LRRC69: variants seen among roughly 807,000 people sequenced by gnomAD.
The protein encoded by LRRC69 is leucine rich repeat containing 69.
In LRRC69, 42 loss-of-function variants were observed where a neutral mutation model predicts 37.8. That is an observed-to-expected ratio of 1.11 (90% CI 0.87 to 1.44). LRRC69 has a LOEUF of 1.44. Among genes scored for constraint, LRRC69 ranks in the 40% most tolerant of loss-of-function variants. The pLI, the probability that LRRC69 is intolerant of heterozygous loss-of-function variation, is 0.00. For missense variants in LRRC69, 357 were observed against 401.9 expected (o/e 0.89, Z 0.96); for synonymous variants, 141 against 143.1 (o/e 0.99, Z 0.11).
intron 1 of LRRC69, among the ~76,000 whole-genome samples, chr8:91,118,955 C>T (rs550433866): frequency 6.6e-6 from 1 of 152,058 alleles, no homozygotes; most frequent in Non-Finnish European, 1.5e-5. Flanking sequence ...ATGACTCAAT[C>T]TAGTCCTGAG....
At chr8:91,187,361 G>A (rs1809423409) in intron 5 of LRRC69, among the ~76,000 whole-genome samples, 1 of 152,178 alleles carries the variant, frequency 6.6e-6, no homozygotes, top group Non-Finnish European at 1.5e-5. Context: ...GTCCATCAGA[G>A]TTGGTCTTGT....
chr8:91,143,860 A>T (rs1399768748), intron 5 of LRRC69, among the ~76,000 whole-genome samples: 1 of 151,894 alleles, frequency 6.6e-6, no homozygotes, highest in Non-Finnish European at 1.5e-5. Flanking sequence ...GTTTGAATCC[A>T]TTTTTCCCAA....
chr8:91,176,140 T>A (rs1328913933), intron 5 of LRRC69, among the ~76,000 whole-genome samples: 1 of 95,746 alleles, frequency 1.0e-5, no homozygotes, highest in East Asian at 3.0e-4. Context: ...ATATATTTTT[T>A]TTTTTTCTTT....
At chr8:91,188,380 A>G (rs924320900) in intron 5 of LRRC69, among the ~76,000 whole-genome samples, 5 of 152,186 alleles carry the variant, frequency 3.3e-5, no homozygotes, top group African/African-American at 1.2e-4. Context: ...TGTGAGATGC[A>G]GTGGTGTGGA....
intron 3 of LRRC69, among the ~76,000 whole-genome samples, chr8:91,131,522 C>G (rs537641488): frequency 2.6e-4 from 39 of 151,782 alleles, no homozygotes; most frequent in African/African-American, 9.4e-4. Context: ...ATTTAAAGCC[C>G]CTTTACATTC....
chr8:91,157,802 G>A, intron 5 of LRRC69: 2 of 1,607,772 alleles, frequency 1.2e-6, no homozygotes, highest in Non-Finnish European at 1.7e-6. Context: ...AGTGGAATGG[G>A]ATTATTCCCC....
chr8:91,143,015 C>A (rs769203381), intron 5 of LRRC69, among the ~76,000 whole-genome samples: 1 of 151,970 alleles, frequency 6.6e-6, no homozygotes, highest in Non-Finnish European at 1.5e-5. Context: ...ACAAGGAATG[C>A]CTATATAGTT....
intron 3 of LRRC69, 32 bp from the exon 4 acceptor site, chr8:91,133,078 A>T (rs928595195): frequency 1.5e-6 from 2 of 1,313,940 alleles, no homozygotes; most frequent in South Asian, 2.8e-5. Flanking sequence ...TGTGAGTTTC[A>T]TTCATATACT....
At chr8:91,122,128 C>G (rs1369344678) in intron 1 of LRRC69, among the ~76,000 whole-genome samples, 1 of 151,974 alleles carries the variant, frequency 6.6e-6, no homozygotes, top group Non-Finnish European at 1.5e-5. Context: ...AGTATATGCC[C>G]TCAGAAATAC....
chr8:91,168,056 C>T (rs1439965534), intron 5 of LRRC69, among the ~76,000 whole-genome samples: 1 of 151,768 alleles, frequency 6.6e-6, no homozygotes, highest in Non-Finnish European at 1.5e-5. Context: ...TACAAATTCC[C>T]TGCCCTCTTG....
chr8:91,141,548 A>C (rs1048511774), intron 5 of LRRC69, among the ~76,000 whole-genome samples: 3 of 152,104 alleles, frequency 2.0e-5, no homozygotes, highest in Non-Finnish European at 4.4e-5. Context: ...TTCCAATTCC[A>C]TAAACAATTA....
intron 4 of LRRC69, among the ~76,000 whole-genome samples, chr8:91,134,176 G>T (rs1409345924): frequency 2.0e-5 from 3 of 151,178 alleles, no homozygotes. Flanking sequence ...AGGGCAGGAG[G>T]ATAGCAAGTA....
At chr8:91,145,365 G>A (rs1808599528) in intron 5 of LRRC69, among the ~76,000 whole-genome samples, 2 of 151,884 alleles carry the variant, frequency 1.3e-5, no homozygotes, top group Non-Finnish European at 2.9e-5. Context: ...ATTCCAGTTG[G>A]CTGCCTCATC....
chr8:91,142,460 G>A (rs779261180), intron 5 of LRRC69, among the ~76,000 whole-genome samples: 1 of 152,010 alleles, frequency 6.6e-6, no homozygotes, highest in African/African-American at 2.4e-5. Flanking sequence ...ATTCCTTGAA[G>A]AAGACAGATT....
intron 1 of LRRC69, among the ~76,000 whole-genome samples, chr8:91,116,196 C>A (rs1446177940): frequency 6.6e-6 from 1 of 151,880 alleles, no homozygotes; most frequent in Non-Finnish European, 1.5e-5. Flanking sequence ...TAACATTTTA[C>A]CCCACAGTAT....
At chr8:91,148,954 T>C (rs865804325) in intron 5 of LRRC69, among the ~76,000 whole-genome samples, 4 of 151,884 alleles carry the variant, frequency 2.6e-5, no homozygotes, top group Non-Finnish European at 5.9e-5. Flanking sequence ...TGTAAATTTG[T>C]TTGAGTTCTT....
In LRRC69 at chr8:91,184,723, G is replaced by A. The variant is rs138566551; in HGVS notation, c.652-4799G>A. The stretch of plus-strand genomic sequence containing the variant: ...AGATCTTACTCCATTTTGTTGTGAT[G>A]TTTTATGATATGGACAAAACTGAGG... On this transcript the variant is annotated intron_variant, in intron 5 of 7. Coordinates refer to ENST00000448384, the Ensembl canonical transcript of LRRC69. Among the ~76,000 whole-genome samples, 769 of 152,250 alleles carry A rather than the reference G, an allele frequency of 5.1e-3. 4 individuals are homozygous for A. The highest frequency in any genetic ancestry group is 0.017 in the African/African-American group (713 of 41,554).
chr8:91,167,975 C>T (rs1330610123), intron 5 of LRRC69, among the ~76,000 whole-genome samples: 3 of 151,812 alleles, frequency 2.0e-5, no homozygotes, highest in Non-Finnish European at 4.4e-5. Context: ...TATATGTATT[C>T]GATATACATT....
rs761858475 is a variant in LRRC69 at position 91,139,049 on chromosome 8, G to GA, written c.651+3323dup. On this transcript the variant is annotated intron_variant, in intron 5 of 7. Transcript: ENST00000448384. ...GGGCAACACAGTGAGACCCTGTCTT[G>GA]AAAAAAAAAAAAAGAAATATCTTGG... The GA allele has an allele frequency of 3.3e-3, 453 of 137,144 alleles. 3 individuals are homozygous for GA. The highest frequency in any genetic ancestry group is 9.3e-3 in the African/African-American group (354 of 38,008). The allele number at this position is 137,144 out of a possible 1,614,324, so 8.5% of individuals were successfully genotyped here.
Sources: gnomAD v4.1 joint callset for allele counts (sites outside exome capture counted in the v4.1 genomes callset) on GRCh38, gnomAD v4.1.1 for gene constraint, MANE v1.5 for transcripts, NCBI Gene and HGNC (gene_info 2026-07-23, HGNC 2026-07-21) for gene names.